The following RPA3 variants were observed in gnomAD, a reference collection of about 807,000 sequenced individuals.
RPA3 encodes replication protein A 14 kDa subunit.
In RPA3, 24 loss-of-function variants were observed where a neutral mutation model predicts 13.7. The ratio of observed to expected loss-of-function variants is 1.75; its 90% CI spans 1.27 to 2.46. The LOEUF is 2.46. Ranked by LOEUF, RPA3 falls within the 30% of genes most tolerant of loss-of-function variation. RPA3 has a pLI of 0.00. For missense variants in RPA3, 183 were observed against 151.0 expected, an observed-to-expected ratio of 1.21 and a Z score of -1.11; for synonymous variants, 59 against 51.2, an observed-to-expected ratio of 1.15 and a Z score of -0.65.
intron 2 of RPA3, among the ~76,000 whole-genome samples, chr7:7,701,006 C>T (rs372025010): frequency 2.8e-4 from 43 of 152,272 alleles, no homozygotes; most frequent in African/African-American, 9.6e-4. Context: ...GCTATGATCA[C>T]GGTACTACAC....
rs28916298 is a variant in RPA3 at position 7,640,214 on chromosome 7, G to A, written c.99+106C>T. On this transcript the variant is annotated intron_variant, in intron 5 of 7. Coordinates refer to ENST00000223129, the MANE Select transcript of RPA3 (RefSeq NM_002947.5). ...CCTTGTGCAAAATAAAGGAGTCGGG[G>A]GCGCAGTGATCGGAGGCTTTCCGTC... 10,126 of 1,181,496 alleles carry A rather than the reference G, an allele frequency of 8.6e-3. 544 individuals carry two copies. In the African/African-American group the frequency reaches 0.13, roughly 15 times the overall value. 73.2% of individuals were successfully genotyped at this position (1,181,496 alleles called of 1,614,324 possible). A position where few individuals can be genotyped will look rare whatever the true frequency, so the allele number is the denominator to read the frequency against.
chr7:7,639,209 A>G, intron 5 of RPA3, 65 bp from the exon 6 acceptor site: 1 of 1,210,916 alleles, frequency 8.3e-7, no homozygotes, highest in Non-Finnish European at 1.2e-6. Flanking sequence ...AAAGATGAGT[A>G]CATTGATCCT....
chr7:7,658,468 A>G (rs1785397572), intron 4 of RPA3, among the ~76,000 whole-genome samples: 1 of 152,324 alleles, frequency 6.6e-6, no homozygotes, highest in Admixed American at 6.5e-5. Context: ...AGCTCTTATT[A>G]TTTTGAGATA....
rs28915982 is a variant in RPA3 at position 7,673,971 on chromosome 7, C to A, written c.-758+11859G>T. ...TAGTGTCTTTAAAAAATATTTCTTACAATCAAATACAGTGTTCTTCACCAG... is the reference window on the plus strand; with the variant it reads ...TAGTGTCTTTAAAAAATATTTCTTAAAATCAAATACAGTGTTCTTCACCAG... On this transcript the variant is annotated intron_variant, in intron 4 of 7. Transcript: ENST00000223129. 4.6e-5 allele frequency among the ~76,000 whole-genome samples: 7 copies of A among 152,272 alleles called. No individual in the cohort carries two copies. The East Asian group carries it at 1.3e-3, about 29-fold the overall frequency.
intron 2 of RPA3, among the ~76,000 whole-genome samples, chr7:7,713,483 A>G (rs1038162020): frequency 2.0e-5 from 3 of 151,608 alleles, no homozygotes; most frequent in Non-Finnish European, 4.4e-5. Context: ...CCCCATGGCA[A>G]TATTGTTTAT....
At chr7:7,648,228 T>C (rs1195852952) in intron 4 of RPA3, among the ~76,000 whole-genome samples, 1 of 152,198 alleles carries the variant, frequency 6.6e-6, no homozygotes, top group Non-Finnish European at 1.5e-5. Flanking sequence ...ATGGATTCCT[T>C]TCTAAGAGAG....
chr7:7,698,981 A>G (rs571512702), intron 2 of RPA3, among the ~76,000 whole-genome samples: 6 of 150,424 alleles, frequency 4.0e-5, no homozygotes, highest in East Asian at 3.9e-4. Context: ...CAGCCCCCCA[A>G]GTATCTGGGA....
intron 2 of RPA3, among the ~76,000 whole-genome samples, chr7:7,713,680 T>C (rs191270275): frequency 4.9e-4 from 74 of 152,316 alleles, no homozygotes; most frequent in African/African-American, 1.6e-3. Context: ...TGTTTGTCCT[T>C]GGATCATCAT....
intron 4 of RPA3, among the ~76,000 whole-genome samples, chr7:7,650,795 G>A (rs1785207761): frequency 6.6e-6 from 1 of 152,076 alleles, no homozygotes; most frequent in South Asian, 2.1e-4. Context: ...ATTTCCTCCG[G>A]CATCACTGTT....
chr7:7,685,565 C>A (rs1000205516), intron 4 of RPA3, among the ~76,000 whole-genome samples: 1 of 152,132 alleles, frequency 6.6e-6, no homozygotes, highest in Non-Finnish European at 1.5e-5. Context: ...CCCCTGTAAT[C>A]CCAAAGTGCT....
At chr7:7,664,056 C>T (rs1347740728) in intron 4 of RPA3, among the ~76,000 whole-genome samples, 1 of 152,132 alleles carries the variant, frequency 6.6e-6, no homozygotes, top group African/African-American at 2.4e-5. Flanking sequence ...GGATTTCTAC[C>T]ATCTGCACAG....
chr7:7,653,073 A>G, intron 4 of RPA3, among the ~76,000 whole-genome samples: 1 of 152,300 alleles, frequency 6.6e-6, no homozygotes, highest in Middle Eastern at 3.4e-3. Flanking sequence ...CATTATTTAG[A>G]TGTGTTTTAT....
intron 4 of RPA3, among the ~76,000 whole-genome samples, chr7:7,666,207 T>C (rs1779451776): frequency 6.6e-6 from 1 of 152,074 alleles, no homozygotes; most frequent in Admixed American, 6.5e-5. Context: ...TTTGTTTGTT[T>C]GTTTGTTTTT....
At chr7:7,659,479 T>C (rs983063628) in intron 4 of RPA3, among the ~76,000 whole-genome samples, 2 of 152,240 alleles carry the variant, frequency 1.3e-5, no homozygotes, top group African/African-American at 4.8e-5. Context: ...GCTTTAGATG[T>C]GTCCCAGGGA....
chr7:7,682,143 T>C (rs898666261), intron 4 of RPA3, among the ~76,000 whole-genome samples: 1 of 152,194 alleles, frequency 6.6e-6, no homozygotes, highest in Non-Finnish European at 1.5e-5. Context: ...TTTCAGAATA[T>C]GCAGGTGCTT....
At chr7:7,669,724 G>A (rs1207339184) in intron 4 of RPA3, among the ~76,000 whole-genome samples, 1 of 152,178 alleles carries the variant, frequency 6.6e-6, no homozygotes, top group Non-Finnish European at 1.5e-5. Flanking sequence ...GAGTTAAGTT[G>A]GTGGTCAGAT....
intron 2 of RPA3, among the ~76,000 whole-genome samples, chr7:7,695,836 T>C (rs1780300713): frequency 6.6e-6 from 1 of 152,206 alleles, no homozygotes; most frequent in African/African-American, 2.4e-5. Context: ...ATGCTGATTA[T>C]AAGTTAAGCA....
chr7:7,709,722 C>T (rs1318708428), intron 2 of RPA3, among the ~76,000 whole-genome samples: 1 of 151,998 alleles, frequency 6.6e-6, no homozygotes, highest in Non-Finnish European at 1.5e-5. Context: ...GACATCTTAC[C>T]AGCTATTATT....
At chr7:7,717,263 G>T (rs1363845555) in intron 1 of RPA3, among the ~76,000 whole-genome samples, 1 of 151,908 alleles carries the variant, frequency 6.6e-6, no homozygotes, top group Non-Finnish European at 1.5e-5. Context: ...CACCACGTTG[G>T]CCTGGCTGGT....
Sources: gnomAD v4.1 joint callset for allele counts (sites outside exome capture counted in the v4.1 genomes callset) on GRCh38, gnomAD v4.1.1 for gene constraint, MANE v1.5 for transcripts, NCBI Gene and HGNC (gene_info 2026-07-23, HGNC 2026-07-21) for gene names.